Variants in NOMO2 observed in about 807,000 individuals in gnomAD.
NOMO2 encodes NODAL modulator 2.
NOMO2 carries 14 observed loss-of-function variants against 67.1 expected under a neutral mutation model. That is an observed-to-expected ratio of 0.21 (90% CI 0.14 to 0.33). The LOEUF (loss-of-function observed/expected upper bound fraction) is 0.33. Ranked by LOEUF, NOMO2 falls within the 10% of genes least tolerant of loss-of-function variation. NOMO2 has a pLI of 1.00. For synonymous variants in NOMO2, 80 were observed against 305.9 expected, an observed-to-expected ratio of 0.26 and a Z score of 7.71; for missense variants, 178 against 761.0, an observed-to-expected ratio of 0.23 and a Z score of 9.01.
chr16:18,526,719 A>G (rs1372078494), intron 16 of NOMO2, among the ~76,000 whole-genome samples: 1 of 151,900 alleles, frequency 6.6e-6, no homozygotes, highest in East Asian at 1.9e-4. Flanking sequence ...CAGAAAATAG[A>G]TCAGTGGCTG....
intron 6 of NOMO2, among the ~76,000 whole-genome samples, chr16:18,546,232 A>G (rs1349535770): frequency 7.6e-5 from 5 of 66,018 alleles, no homozygotes; most frequent in Non-Finnish European, 1.6e-4. Context: ...TGAGCCATGA[A>G]TATGTCACTG....
chr16:18,559,034 G>T (rs1443504799), intron 1 of NOMO2, among the ~76,000 whole-genome samples: 1 of 151,710 alleles, frequency 6.6e-6, no homozygotes, highest in Non-Finnish European at 1.5e-5. Flanking sequence ...ATGATGGCAC[G>T]TGCCTGTAGC....
chr16:18,536,245 G>C (rs1393506352), intron 11 of NOMO2, among the ~76,000 whole-genome samples: 2 of 151,974 alleles, frequency 1.3e-5, no homozygotes, highest in Non-Finnish European at 2.9e-5. Context: ...TCCTATGCAG[G>C]CCTCTGAGCA....
chr16:18,554,029 G>C (rs1901850155), intron 3 of NOMO2, among the ~76,000 whole-genome samples: 1 of 150,324 alleles, frequency 6.7e-6, no homozygotes, highest in East Asian at 2.0e-4. Flanking sequence ...AACATCAAGA[G>C]TCTCTCCTCT....
intron 15 of NOMO2, among the ~76,000 whole-genome samples, chr16:18,528,853 AGCTACTCGGGGG>A (rs1003567201): frequency 6.7e-6 from 1 of 149,336 alleles, no homozygotes; most frequent in African/African-American, 2.4e-5. Flanking sequence ...CTCTAGTCCC[AGCTACTCGGGGG>A]GCTGAAGCAG....
intron 16 of NOMO2, among the ~76,000 whole-genome samples, chr16:18,525,825 T>C (rs433855): frequency 2.6e-5 from 4 of 151,578 alleles, no homozygotes; most frequent in African/African-American, 4.9e-5. Flanking sequence ...TCCTTGACTT[T>C]CTCCTTTAAA....
At chr16:18,529,853 G>A (rs1160366902) in intron 14 of NOMO2, among the ~76,000 whole-genome samples, 1 of 151,384 alleles carries the variant, frequency 6.6e-6, no homozygotes, top group East Asian at 1.9e-4. Context: ...GGTGGCTCAT[G>A]CCTATAATCC....
chr16:18,529,070 C>T (rs1356711814), intron 15 of NOMO2, among the ~76,000 whole-genome samples: 3 of 113,862 alleles, frequency 2.6e-5, no homozygotes, highest in Non-Finnish European at 5.4e-5. Context: ...CAGTACAGAG[C>T]GGTGTACACC....
At chr16:18,538,462 A>G (rs1901470032) in intron 11 of NOMO2, 64 bp downstream of exon 11, 1 of 1,600,774 alleles carries the variant, frequency 6.2e-7, no homozygotes, top group Non-Finnish European at 8.5e-7. Context: ...ATCACAGGTC[A>G]TTTGGTTCTA....
Position 18,533,176 on chromosome 16 carries a change from G to A in NOMO2, c.1224C>T (p.Phe408=). 1 of 1,611,394 alleles carries A rather than the reference G, an allele frequency of 6.2e-7. No homozygotes were observed. The highest frequency in any genetic ancestry group is 8.5e-7 in the Non-Finnish European group (1 of 1,179,700). ...PQLADIVATG[F]SVCGRISIIR... is the part of the protein sequence containing the mutation. ...TGATTGATATCCGACCACAGACACT[G>A]AACCTGCAAAGAGAAGACCATTCAT... Residue 408 remains phenylalanine, a synonymous_variant, in exon 12 of 31, where the codon TTC becomes TTT. Transcript: ENST00000622306.
intron 11 of NOMO2, among the ~76,000 whole-genome samples, chr16:18,537,034 C>A (rs985363100): frequency 3.3e-5 from 5 of 151,924 alleles, no homozygotes; most frequent in Non-Finnish European, 5.9e-5. Flanking sequence ...CTCCCTAGGT[C>A]CCCCCTGGGC....
intron 6 of NOMO2, among the ~76,000 whole-genome samples, chr16:18,546,427 A>C (rs1901665326): frequency 2.2e-5 from 1 of 45,502 alleles, no homozygotes; most frequent in Non-Finnish European, 4.5e-5. Context: ...AAAATCCCAT[A>C]TATACTAAAA....
chr16:18,538,512 C>A lies in NOMO2; in HGVS notation c.1220+14G>T, dbSNP rs1901470991. 6.2e-7 allele frequency: 1 copy of A among 1,613,386 alleles called. No individual in the cohort carries two copies. On this transcript the variant is annotated intron_variant, in intron 11 of 30. Coordinates refer to ENST00000622306, the MANE Select transcript of NOMO2 (RefSeq NM_173614.4). ...ATATTTACTGGTGCTTCCAAATCCA[C>A]ACGATAAGCTTACCCTGTTGCAACA... is the stretch of plus-strand genomic sequence containing the variant.
At chr16:18,527,458 G>GA in intron 16 of NOMO2, 79 bp downstream of exon 16, 2 of 798,306 alleles carry the variant, frequency 2.5e-6, no homozygotes, top group South Asian at 2.9e-5. Flanking sequence ...AACTAAGGTA[G>GA]AAAAAAATGC....
At chr16:18,537,094 A>G (rs1901441851) in intron 11 of NOMO2, among the ~76,000 whole-genome samples, 1 of 151,970 alleles carries the variant, frequency 6.6e-6, no homozygotes, top group African/African-American at 2.4e-5. Flanking sequence ...CTACTTGCAC[A>G]TACATATTTG....
At position 18,539,994 on chromosome 16, in the gene NOMO2, G is replaced by A. The variant is rs569699485; in HGVS notation, c.964-1030C>T. Among the ~76,000 whole-genome samples the A allele has an allele frequency of 4.4e-4, 67 of 151,474 alleles. 1 individual carries two copies. The highest frequency in any genetic ancestry group is 2.1e-4 in the South Asian group (1 of 4,774). On this transcript the variant is annotated intron_variant, in intron 9 of 30. Coordinates refer to ENST00000622306, the MANE Select transcript of NOMO2 (RefSeq NM_173614.4). ...ACCAGTATCTGAAATGTCCTCGTTC[G>A]ATTTCTTAGTTGTCTCCCTCCCACT...
intron 15 of NOMO2, 78 bp downstream of exon 15, chr16:18,529,423 T>C: frequency 6.2e-7 from 1 of 1,611,388 alleles, no homozygotes; most frequent in South Asian, 1.1e-5. Context: ...GTTTACAATA[T>C]TCCTGGGATG....
chr16:18,556,273 A>G (rs1486613947), intron 2 of NOMO2, among the ~76,000 whole-genome samples: 3 of 150,934 alleles, frequency 2.0e-5, no homozygotes, highest in African/African-American at 7.3e-5. Context: ...CAACATGGTG[A>G]AACACCATCT....
At chr16:18,543,588 C>T in intron 7 of NOMO2, 29 bp downstream of exon 7, 1 of 1,611,324 alleles carries the variant, frequency 6.2e-7, no homozygotes, top group South Asian at 1.1e-5. Flanking sequence ...ACCCTTCACA[C>T]CATCTCTTTT....
Sources: allele counts gnomAD v4.1 joint callset (sites outside exome capture counted in the v4.1 genomes callset), GRCh38; gene constraint gnomAD v4.1.1; transcripts MANE v1.5; gene names NCBI Gene and HGNC (gene_info 2026-07-23, HGNC 2026-07-21).